PBRM1: variants seen among roughly 807,000 people sequenced by gnomAD.
PBRM1 encodes protein polybromo-1.
A neutral mutation model predicts 194.5 loss-of-function variants in PBRM1; 27 were observed. That is an observed-to-expected ratio of 0.14 (90% CI 0.10 to 0.19). The LOEUF (loss-of-function observed/expected upper bound fraction) is 0.19. Ranked by LOEUF, PBRM1 falls within the 10% of genes least tolerant of loss-of-function variation. The probability of loss-of-function intolerance (pLI) is 1.00; values close to 1 mark genes in which losing one functional copy is unlikely to be tolerated. For missense variants in PBRM1, 1,466 were observed against 2,077.2 expected (o/e 0.71, Z 5.72); for synonymous variants, 655 against 693.2 (o/e 0.94, Z 0.87).
chr3:52,625,306 T>C (rs1418112141), intron 13 of PBRM1, among the ~76,000 whole-genome samples: 1 of 152,224 alleles, frequency 6.6e-6, no homozygotes, highest in Non-Finnish European at 1.5e-5. Context: ...TGAAGAAATC[T>C]CTTATTACCA....
At chr3:52,563,996 G>A (rs1015836043) in intron 23 of PBRM1, 54 bp downstream of exon 25, 15 of 1,155,046 alleles carry the variant, frequency 1.3e-5, no homozygotes, top group Admixed American at 2.0e-5. Context: ...ACTACACTAT[G>A]TTGCTATCAG....
At chr3:52,588,671 C>T (rs1181445225) in intron 18 of PBRM1, among the ~76,000 whole-genome samples, 3 of 151,414 alleles carry the variant, frequency 2.0e-5, no homozygotes, top group African/African-American at 7.3e-5. Flanking sequence ...TCTCCTGCCT[C>T]AGCCTCCCGA....
At chr3:52,584,406 T>C (rs2091989609) in intron 20 of PBRM1, among the ~76,000 whole-genome samples, 1 of 151,772 alleles carries the variant, frequency 6.6e-6, no homozygotes, top group African/African-American at 2.4e-5. Flanking sequence ...GTTTCCAACC[T>C]TTTCAGTTAA....
rs1341699862 is a variant in PBRM1, at chr3:52,563,181, A to G, written c.4086+102T>C. On this transcript the variant is annotated intron_variant, in intron 24 of 29. Coordinates refer to ENST00000296302, the Ensembl canonical transcript of PBRM1. ...TCCTTCCTGCAGAATTCTAAGTTAA[A>G]GCTCACATATGGAGGGGCTGGATGT... The G allele has an allele frequency of 5.7e-6, 4 of 703,518 alleles. No individual in the cohort carries two copies. The African/African-American group carries it at 7.1e-5, about 12-fold the overall frequency. The allele number at this position is 703,518 out of a possible 1,614,324, so 43.6% of individuals were successfully genotyped here.
chr3:52,668,968 T>G (rs2096895461), intron 2 of PBRM1, among the ~76,000 whole-genome samples: 1 of 152,144 alleles, frequency 6.6e-6, no homozygotes, highest in African/African-American at 2.4e-5. Flanking sequence ...ATGGTATCCT[T>G]TATAAATGAA....
intron 3 of PBRM1, 61 bp from the exon 5 acceptor site, chr3:52,662,337 A>G: frequency 7.0e-7 from 1 of 1,430,404 alleles, no homozygotes; most frequent in South Asian, 1.3e-5. Context: ...ATTAGTTGCT[A>G]CTTTTAAAGC....
chr3:52,669,406 G>A (rs1339101010), intron 2 of PBRM1, among the ~76,000 whole-genome samples: 2 of 152,088 alleles, frequency 1.3e-5, no homozygotes, highest in East Asian at 3.8e-4. Context: ...TAATTTTAAT[G>A]ACAATTTCTT....
In PBRM1 at chr3:52,609,218, T is replaced by C. The variant is rs550290876; in HGVS notation, c.2567+95A>G. ...CATGCTACCAACTACAAATCATGTA[T>C]GTAAGTGGAAATAGTACATCAAAGC... On this transcript the variant is annotated intron_variant, in intron 16 of 29. Transcript: ENST00000296302. This position sits in a 1 kb window ranked among gnomAD's most constrained non-coding sequence, Gnocchi z 4.1. 4 of 954,308 alleles carry C rather than the reference T, an allele frequency of 4.2e-6. No homozygotes were observed. In the South Asian group the frequency reaches 4.9e-5, roughly 12 times the overall value. 59.1% of individuals were successfully genotyped at this position (954,308 alleles called of 1,614,324 possible).
chr3:52,606,203 C>G (rs1576595820), intron 16 of PBRM1, among the ~76,000 whole-genome samples: 1 of 151,674 alleles, frequency 6.6e-6, no homozygotes, highest in African/African-American at 2.4e-5. Context: ...TAAGGAAGGT[C>G]TTGCTATATT....
chr3:52,571,854 CCCAAAAAAA>C (rs1300846938), intron 22 of PBRM1, among the ~76,000 whole-genome samples: 22 of 36,668 alleles, frequency 6.0e-4, no homozygotes, highest in African/African-American at 1.8e-3. Context: ...ACCTCATCTC[CCCAAAAAAA>C]AAAAAAAAAA....
chr3:52,603,757 T>A (rs776307750), intron 16 of PBRM1, 25 bp from the exon 19 acceptor site: 1 of 1,585,700 alleles, frequency 6.3e-7, no homozygotes, highest in Non-Finnish European at 8.6e-7. Context: ...AGAGTATCCA[T>A]TGACATACAA....
chr3:52,624,869 T>C, intron 13 of PBRM1, 28 bp downstream of exon 15: 4 of 1,417,302 alleles, frequency 2.8e-6, no homozygotes, highest in Non-Finnish European at 3.9e-6. Context: ...TTTAAAAGAA[T>C]GTTTATGCAT....
intron 17 of PBRM1, among the ~76,000 whole-genome samples, chr3:52,602,921 A>G (rs970679960): frequency 6.6e-6 from 1 of 152,260 alleles, no homozygotes; most frequent in African/African-American, 2.4e-5. Flanking sequence ...AAAGATTAAC[A>G]TAACTTAGAG....
chr3:52,563,006 C>T (rs1295560330), intron 24 of PBRM1, among the ~76,000 whole-genome samples: 1 of 152,058 alleles, frequency 6.6e-6, no homozygotes, highest in East Asian at 1.9e-4. Context: ...GAAGAGTCTT[C>T]TAACTAAGCC....
intron 25 of PBRM1, chr3:52,560,796 G>A (rs2083336233): frequency 6.6e-6 from 1 of 152,040 alleles, no homozygotes; most frequent in Non-Finnish European, 1.5e-5. Flanking sequence ...TAATTTCATA[G>A]TAATCAAATA....
chr3:52,614,284 G>A (rs1280629776), intron 15 of PBRM1, among the ~76,000 whole-genome samples: 1 of 143,422 alleles, frequency 7.0e-6, no homozygotes, highest in Non-Finnish European at 1.5e-5. Flanking sequence ...CTGAGTGGAA[G>A]GATCACTTGA....
chr3:52,670,486 G>C (rs1280545191), intron 2 of PBRM1, among the ~76,000 whole-genome samples: 1 of 152,096 alleles, frequency 6.6e-6, no homozygotes, highest in Non-Finnish European at 1.5e-5. Flanking sequence ...AACATAAACA[G>C]GATTATATTG....
intron 24 of PBRM1, among the ~76,000 whole-genome samples, chr3:52,562,431 C>T (rs1016634175): frequency 6.6e-6 from 1 of 151,696 alleles, no homozygotes; most frequent in African/African-American, 2.4e-5. Flanking sequence ...TTGGTCAAAA[C>T]ACACCTCTTC....
chr3:52,667,364 TG>T (rs2153978843), intron 3 of PBRM1, among the ~76,000 whole-genome samples: 1 of 151,798 alleles, frequency 6.6e-6, no homozygotes, highest in South Asian at 2.1e-4. Flanking sequence ...ATGCACACAG[TG>T]GGAGAAGATA....
Sources: allele counts gnomAD v4.1 joint callset (sites outside exome capture counted in the v4.1 genomes callset), GRCh38; gene constraint gnomAD v4.1.1; non-coding constraint Gnocchi (gnomAD v3.1); transcripts MANE v1.5; gene names NCBI Gene and HGNC (gene_info 2026-07-23, HGNC 2026-07-21).